LCP1: variants seen among roughly 807,000 people sequenced by gnomAD.
LCP1 encodes the protein plastin-2.
LCP1 carries 23 observed loss-of-function variants against 72.0 expected under a neutral mutation model. The ratio of observed to expected loss-of-function variants is 0.32; its 90% CI spans 0.23 to 0.45. The LOEUF (loss-of-function observed/expected upper bound fraction) is 0.45, where lower values mean the gene tolerates loss of function less well. Ranked by LOEUF, LCP1 falls within the 20% of genes least tolerant of loss-of-function variation. The pLI is 1.00. For synonymous variants in LCP1, 245 were observed against 275.4 expected (o/e 0.89, Z 1.09); for missense variants, 571 against 748.3 (o/e 0.76, Z 2.76).
intron 1 of LCP1, among the ~76,000 whole-genome samples, chr13:46,165,886 A>T (rs2045873676): frequency 6.6e-6 from 1 of 152,180 alleles, no homozygotes; most frequent in South Asian, 2.1e-4. Flanking sequence ...CAATAGTTGT[A>T]GAATCTCAAG....
intron 13 of LCP1, among the ~76,000 whole-genome samples, chr13:46,134,647 T>C (rs928990928): frequency 2.6e-5 from 4 of 152,068 alleles, no homozygotes; most frequent in Non-Finnish European, 4.4e-5. Flanking sequence ...AAAGAAAAAG[T>C]ATAAAATACT....
intron 13 of LCP1, among the ~76,000 whole-genome samples, chr13:46,137,772 T>C (rs1316926785): frequency 6.6e-6 from 1 of 152,246 alleles, no homozygotes; most frequent in Non-Finnish European, 1.5e-5. Context: ...TGTGCTGTGC[T>C]GAAAAGCTCT....
At position 46,156,430 on chromosome 13, in the gene LCP1, T is replaced by A. The variant is rs2045801391; in HGVS notation, c.491+8A>T. The A allele has an allele frequency of 1.2e-6, 2 of 1,610,606 alleles. No homozygotes were observed. The highest frequency in any genetic ancestry group is 1.3e-5 in the African/African-American group (1 of 74,924). Reference sequence around the variant, plus strand: ...TTCTTTGGAAACCAAGAAAGAAGTATTATTTACCAAAGGACAATGCCATCT... The same window carrying A: ...TTCTTTGGAAACCAAGAAAGAAGTAATATTTACCAAAGGACAATGCCATCT... On this transcript the variant is annotated splice_region_variant and intron_variant, in intron 5 of 15. Coordinates refer to ENST00000323076, the MANE Select transcript of LCP1 (RefSeq NM_002298.5).
chr13:46,178,976 T>C (rs2045944589), intron 1 of LCP1, among the ~76,000 whole-genome samples: 2 of 152,236 alleles, frequency 1.3e-5, no homozygotes, highest in African/African-American at 4.8e-5. Context: ...CAAGGAGAAG[T>C]TGACTTGAGA....
At chr13:46,164,062 T>C (rs899100186) in intron 1 of LCP1, among the ~76,000 whole-genome samples, 7 of 152,334 alleles carry the variant, frequency 4.6e-5, no homozygotes, top group African/African-American at 1.7e-4. Context: ...GGTAAGCACG[T>C]CTATATTGAC....
At chr13:46,148,260 G>A (rs922686384) in intron 9 of LCP1, 92 bp downstream of exon 9, 2 of 853,990 alleles carry the variant, frequency 2.3e-6, no homozygotes, top group Non-Finnish European at 3.8e-6. Flanking sequence ...GCCCAGTCAT[G>A]GAACTCCAGA....
chr13:46,128,956 C>T (rs2045617848), intron 15 of LCP1, among the ~76,000 whole-genome samples: 1 of 152,186 alleles, frequency 6.6e-6, no homozygotes, highest in South Asian at 2.1e-4. Context: ...CCTAAAATTA[C>T]TTTACTTTTA....
intron 2 of LCP1, 141 bp downstream of exon 2, chr13:46,159,458 T>A: frequency 1.5e-6 from 1 of 650,388 alleles, no homozygotes; most frequent in Non-Finnish European, 2.7e-6. Flanking sequence ...CAAAAATAAG[T>A]TCTCCCAGCT....
chr13:46,145,648 G>A (rs1188775218), intron 10 of LCP1, among the ~76,000 whole-genome samples: 1 of 134,530 alleles, frequency 7.4e-6, no homozygotes, highest in Admixed American at 7.6e-5. Context: ...GGTGGCTCAC[G>A]CCTGTAATCC....
At chr13:46,138,293 A>T (rs1033672668) in intron 13 of LCP1, among the ~76,000 whole-genome samples, 1 of 152,256 alleles carries the variant, frequency 6.6e-6, no homozygotes, top group Non-Finnish European at 1.5e-5. Flanking sequence ...TCAATGAAAT[A>T]AATTCCAGCT....
At position 46,134,180 on chromosome 13, in the gene LCP1, C is replaced by A; in HGVS notation, c.1573G>T (p.Val525Leu). 2 of 1,613,214 alleles carry A rather than the reference C, an allele frequency of 1.2e-6. No individual in the cohort carries two copies. The highest frequency in any genetic ancestry group is 1.7e-6 in the Non-Finnish European group (2 of 1,179,266). Residue 525 changes from valine to leucine, a missense_variant, in exon 14 of 16, where the codon GTG becomes TTG. Coordinates refer to ENST00000323076, the MANE Select transcript of LCP1 (RefSeq NM_002298.5). ...KVNDDIIVNWVNETLREAKKS... is the reference protein window; with the variant it reads ...KVNDDIIVNWLNETLREAKKS... ...TTTGCTTCCCTCAATGTTTCATTCA[C>A]CCAGTTGACAATAATGTCATCATTG... is the stretch of plus-strand genomic sequence containing the variant.
intron 1 of LCP1, among the ~76,000 whole-genome samples, chr13:46,177,426 G>T (rs2045936672): frequency 1.3e-5 from 2 of 152,158 alleles, no homozygotes; most frequent in Admixed American, 1.3e-4. Context: ...CAGATCACGA[G>T]GTCAGGAGAT....
intron 1 of LCP1, among the ~76,000 whole-genome samples, chr13:46,160,577 C>T (rs888080694): frequency 6.6e-6 from 1 of 152,176 alleles, no homozygotes; most frequent in African/African-American, 2.4e-5. Context: ...GAATCTGAGG[C>T]GCTTTCTAGG....
intron 1 of LCP1, among the ~76,000 whole-genome samples, chr13:46,176,439 G>A (rs1218720242): frequency 1.3e-5 from 2 of 152,072 alleles, no homozygotes; most frequent in Non-Finnish European, 2.9e-5. Context: ...AGGTTTTTAT[G>A]GAAAAAAAGT....
chr13:46,136,074 TACACACACACACACACACACAC>T (rs58984200), intron 13 of LCP1, among the ~76,000 whole-genome samples: 3 of 143,936 alleles, frequency 2.1e-5, no homozygotes, highest in Admixed American at 7.0e-5. Context: ...CATCGTGTGC[TACACACACACACACACACACAC>T]ACACACACAC....
At chr13:46,159,552 T>A (rs751920508) in intron 2 of LCP1, 47 bp downstream of exon 2, 7 of 1,456,566 alleles carry the variant, frequency 4.8e-6, no homozygotes, top group Non-Finnish European at 6.7e-6. Context: ...CTGAAGCTAC[T>A]CAGTGAAGAA....
intron 1 of LCP1, among the ~76,000 whole-genome samples, chr13:46,168,234 G>A (rs148633116): frequency 1.1e-4 from 16 of 152,302 alleles, no homozygotes; most frequent in South Asian, 6.2e-4. Flanking sequence ...AGCGGAGTCC[G>A]TTCTATGTTA....
At chr13:46,156,645 T>TA in intron 4 of LCP1, 75 bp from the exon 5 acceptor site, 1 of 1,465,204 alleles carries the variant, frequency 6.8e-7, no homozygotes, top group Non-Finnish European at 9.6e-7. Flanking sequence ...ATGTGGATCT[T>TA]AAATTCTCAT....
chr13:46,142,019 A>T (rs571545749), intron 13 of LCP1, among the ~76,000 whole-genome samples: 1 of 152,316 alleles, frequency 6.6e-6, no homozygotes, highest in East Asian at 1.9e-4. Context: ...GGCATAAAAA[A>T]GACTACTTTA....
Sources: allele counts gnomAD v4.1 joint callset (sites outside exome capture counted in the v4.1 genomes callset), GRCh38; gene constraint gnomAD v4.1.1; transcripts MANE v1.5; gene names NCBI Gene and HGNC (gene_info 2026-07-23, HGNC 2026-07-21).